SCN2A: variants seen among roughly 807,000 people sequenced by gnomAD.
SCN2A encodes the protein sodium voltage-gated channel alpha subunit 2.
SCN2A carries 20 observed loss-of-function variants against 188.7 expected under a neutral mutation model. The observed-to-expected ratio is 0.11, with a 90% CI of 0.07 to 0.15. The LOEUF is 0.15. SCN2A is among the 10% of genes least tolerant of loss of function. SCN2A has a pLI of 1.00. For synonymous variants in SCN2A, 804 were observed against 833.1 expected (o/e 0.97, Z 0.60); for missense variants, 1,278 against 2,445.0 (o/e 0.52, Z 10.07).
At chr2:165,373,441 G>T in intron 21 of SCN2A, 94 bp downstream of exon 21, 2 of 1,407,240 alleles carry the variant, frequency 1.4e-6, no homozygotes, top group Non-Finnish European at 2.0e-6. Context: ...GAGAATTTGT[G>T]TCTTACACAT....
At chr2:165,308,632 G>A (rs1461418214) in intron 4 of SCN2A, 34 bp from the exon 5 acceptor site, 2 of 1,604,690 alleles carry the variant, frequency 1.2e-6, no homozygotes, top group Non-Finnish European at 1.7e-6. Flanking sequence ...TTAACCACTA[G>A]ATTTTTAATG....
In SCN2A at chr2:165,354,539, A is replaced by C; in HGVS notation, c.3267A>C (p.Glu1089Asp). Residue 1089 changes from glutamate to aspartate, a missense_variant, in exon 17 of 27, where the codon GAA becomes GAC. Physicochemically the swap from Glu to Asp is conservative, Grantham distance 45. Around this residue, in one of 17 missense-constraint regions of SCN2A, gnomAD observed 228 missense variants for 297.3 expected, o/e 0.77. Coordinates refer to ENST00000375437, the MANE Select transcript of SCN2A (RefSeq NM_001040142.2). ...GTGTAGAAAAATATGTCGTGGATGA[A>C]AGTGATTACATGTCATTTATAAACA... The part of the protein sequence containing the change: ...GSSVEKYVVD[E>D]SDYMSFINNP... The C allele has an allele frequency of 6.2e-7, 1 of 1,614,132 alleles. No homozygotes were observed. Among genetic ancestry groups the C allele is most frequent in the Non-Finnish European group, 8.5e-7 (1 of 1,179,998 alleles).
At chr2:165,368,428 C>T (rs1700843562) in intron 19 of SCN2A, among the ~76,000 whole-genome samples, 1 of 152,112 alleles carries the variant, frequency 6.6e-6, no homozygotes, top group African/African-American at 2.4e-5. Context: ...GGCCACGGTT[C>T]CAGGCTTGAG....
chr2:165,359,540 T>C (rs1388336944), intron 17 of SCN2A, among the ~76,000 whole-genome samples: 1 of 152,084 alleles, frequency 6.6e-6, no homozygotes, highest in African/African-American at 2.4e-5. Flanking sequence ...GATTTCCTTG[T>C]AAAAGTCTAT....
chr2:165,334,945 A>T (rs1413965756), intron 14 of SCN2A, among the ~76,000 whole-genome samples: 1 of 151,716 alleles, frequency 6.6e-6, no homozygotes, highest in Non-Finnish European at 1.5e-5. Context: ...ACAAAACTCA[A>T]TTATATTTCT....
chr2:165,386,573 C>G (rs1701885424), intron 25 of SCN2A, among the ~76,000 whole-genome samples, 173 bp from the exon 26 acceptor site: 1 of 152,008 alleles, frequency 6.6e-6, no homozygotes, highest in South Asian at 2.1e-4. Context: ...CAAGTTACCT[C>G]AGCTCTCCAA....
chr2:165,310,198 TTAAAC>T (rs1443102868), intron 6 of SCN2A, 120 bp from the exon 7 acceptor site: 1 of 1,052,422 alleles, frequency 9.5e-7, no homozygotes, highest in Non-Finnish European at 1.5e-6. Flanking sequence ...ATCACAAACA[TTAAAC>T]TAATATTGTT....
intron 16 of SCN2A, among the ~76,000 whole-genome samples, chr2:165,352,418 T>C (rs568573440): frequency 5.9e-4 from 90 of 152,246 alleles, no homozygotes; most frequent in African/African-American, 2.2e-3. Flanking sequence ...TTACAACTAA[T>C]TAGACAAAGG....
intron 22 of SCN2A, 132 bp from the exon 23 acceptor site, chr2:165,377,465 T>G: frequency 1.4e-6 from 1 of 712,462 alleles, no homozygotes; most frequent in African/African-American, 1.8e-5. Flanking sequence ...GCCCCAAAAG[T>G]GAATACAAAT....
At chr2:165,377,843 G>T (rs1408913563) in intron 23 of SCN2A, among the ~76,000 whole-genome samples, 193 bp downstream of exon 23, 2 of 151,682 alleles carry the variant, frequency 1.3e-5, no homozygotes, top group Non-Finnish European at 2.9e-5. Flanking sequence ...TAATCACTCT[G>T]TATCTTTTAA....
chr2:165,388,383 T>C (rs557363179), intron 26 of SCN2A, among the ~76,000 whole-genome samples: 1 of 152,302 alleles, frequency 6.6e-6, no homozygotes, highest in African/African-American at 2.4e-5. Context: ...GAGTCATTTT[T>C]TTGATAGATG....
intron 1 of SCN2A, among the ~76,000 whole-genome samples, chr2:165,276,001 G>GGGAT (rs1363806135): frequency 6.6e-6 from 1 of 152,110 alleles, no homozygotes; most frequent in East Asian, 1.9e-4. Flanking sequence ...CCAAAGTGCT[G>GGGAT]GGATGGCAGG....
intron 6 of SCN2A, 38 bp downstream of exon 6, chr2:165,309,481 A>AC: frequency 6.2e-7 from 1 of 1,609,630 alleles, no homozygotes; most frequent in Non-Finnish European, 8.5e-7. Context: ...GACTTTAGCT[A>AC]CAGTGGTGCT....
intron 1 of SCN2A, among the ~76,000 whole-genome samples, chr2:165,274,747 C>T (rs192444379): frequency 1.1e-3 from 175 of 152,270 alleles, no homozygotes; most frequent in African/African-American, 4.0e-3. Flanking sequence ...CTAGCTGTTT[C>T]TAGTTGCTAA....
At chr2:165,324,847 C>T (rs1424687806) in intron 12 of SCN2A, among the ~76,000 whole-genome samples, 1 of 152,110 alleles carries the variant, frequency 6.6e-6, no homozygotes, top group Non-Finnish European at 1.5e-5. Context: ...TTTTTAATTT[C>T]TTTAAATCAA....
intron 1 of SCN2A, among the ~76,000 whole-genome samples, chr2:165,262,794 A>G (rs1694663399): frequency 6.6e-6 from 1 of 152,200 alleles, no homozygotes; most frequent in South Asian, 2.1e-4. Context: ...TCAAATGGTA[A>G]TATCTACTTT....
At chr2:165,258,311 G>A (rs1694420272) in intron 1 of SCN2A, among the ~76,000 whole-genome samples, 1 of 152,152 alleles carries the variant, frequency 6.6e-6, no homozygotes, top group Non-Finnish European at 1.5e-5. Context: ...TTAAGTTTAA[G>A]TATTTAATCC....
At chr2:165,379,966 T>G (rs1701512739) in intron 23 of SCN2A, among the ~76,000 whole-genome samples, 1 of 151,806 alleles carries the variant, frequency 6.6e-6, no homozygotes, top group African/African-American at 2.4e-5. Flanking sequence ...CCCTACTGAA[T>G]AGGATAAAGC....
chr2:165,296,865 A>G (rs1373825250), intron 2 of SCN2A, 152 bp from the exon 3 acceptor site: 1 of 494,698 alleles, frequency 2.0e-6, no homozygotes. Context: ...TCAGAAAAAA[A>G]AAGCATCTAT....
Sources: gnomAD v4.1 joint callset for allele counts (sites outside exome capture counted in the v4.1 genomes callset) on GRCh38, gnomAD v4.1.1 for gene constraint, gnomAD v4.1.1 regional missense constraint, MANE v1.5 for transcripts, NCBI Gene and HGNC (gene_info 2026-07-23, HGNC 2026-07-21) for gene names.